The following CAMKMT variants were observed in gnomAD, a reference collection of about 807,000 sequenced individuals.
The protein encoded by CAMKMT is calmodulin-lysine N-methyltransferase, also known as CaM KMT.
In CAMKMT, 53 loss-of-function variants were observed where a neutral mutation model predicts 48.0. The ratio of observed to expected loss-of-function variants is 1.10; its 90% CI spans 0.89 to 1.39. The LOEUF (loss-of-function observed/expected upper bound fraction) is 1.39. Ranked by LOEUF, CAMKMT falls within the 40% of genes most tolerant of loss-of-function variation. CAMKMT has a pLI of 0.00. For synonymous variants in CAMKMT, 165 were observed against 152.3 expected (o/e 1.08, Z -0.61); for missense variants, 428 against 402.7 (o/e 1.06, Z -0.54).
chr2:44,572,913 G>T (rs34978139), intron 3 of CAMKMT, among the ~76,000 whole-genome samples: 2 of 151,908 alleles, frequency 1.3e-5, no homozygotes, highest in African/African-American at 4.8e-5. Flanking sequence ...AGAGCACAAG[G>T]GTTCCAATTG....
At chr2:44,536,686 A>G (rs1202858924) in intron 3 of CAMKMT, among the ~76,000 whole-genome samples, 1 of 151,292 alleles carries the variant, frequency 6.6e-6, no homozygotes, top group Non-Finnish European at 1.5e-5. Flanking sequence ...ATGGAACCAA[A>G]AAAGAGCCTG....
At chr2:44,672,544 A>T (rs1289356287) in intron 3 of CAMKMT, among the ~76,000 whole-genome samples, 1 of 152,088 alleles carries the variant, frequency 6.6e-6, no homozygotes, top group Non-Finnish European at 1.5e-5. Context: ...GCATTTAGGG[A>T]CCTTCTCCAA....
At chr2:44,594,728 A>T (rs1670547304) in intron 3 of CAMKMT, among the ~76,000 whole-genome samples, 1 of 152,206 alleles carries the variant, frequency 6.6e-6, no homozygotes, top group Non-Finnish European at 1.5e-5. Context: ...AACCTAGGCA[A>T]TGCCATTCAG....
At chr2:44,755,960 C>A (rs376089948) in intron 9 of CAMKMT, among the ~76,000 whole-genome samples, 1 of 152,086 alleles carries the variant, frequency 6.6e-6, no homozygotes, top group African/African-American at 2.4e-5. Context: ...TCACTTAGGC[C>A]CCTCTTGGAA....
chr2:44,489,366 C>G (rs571180407), intron 3 of CAMKMT, among the ~76,000 whole-genome samples: 2 of 151,758 alleles, frequency 1.3e-5, no homozygotes, highest in East Asian at 3.9e-4. Context: ...CTGCCTAAGC[C>G]TCTTGAGTAT....
intron 3 of CAMKMT, among the ~76,000 whole-genome samples, chr2:44,599,826 TAA>T (rs35544020): frequency 3.4e-5 from 5 of 145,404 alleles, no homozygotes; most frequent in Non-Finnish European, 6.0e-5. Flanking sequence ...TGGCAAGGTT[TAA>T]AAAAAAAAAA....
chr2:44,718,313 G>A (rs1678280183), intron 7 of CAMKMT, among the ~76,000 whole-genome samples: 1 of 152,130 alleles, frequency 6.6e-6, no homozygotes, highest in Non-Finnish European at 1.5e-5. Context: ...TGAAAGTCTG[G>A]AAGCCTTAGC....
chr2:44,423,962 G>C (rs886279690), intron 3 of CAMKMT, among the ~76,000 whole-genome samples: 2 of 152,064 alleles, frequency 1.3e-5, no homozygotes, highest in Non-Finnish European at 2.9e-5. Flanking sequence ...CAACATTCCT[G>C]AGATATGTAT....
At chr2:44,531,300 T>G (rs888841171) in intron 3 of CAMKMT, among the ~76,000 whole-genome samples, 1 of 152,122 alleles carries the variant, frequency 6.6e-6, no homozygotes, top group Non-Finnish European at 1.5e-5. Context: ...CCTGGAAATA[T>G]ATGGCTCTAC....
chr2:44,387,124 C>T (rs566038421), intron 2 of CAMKMT, among the ~76,000 whole-genome samples: 6 of 152,144 alleles, frequency 3.9e-5, no homozygotes, highest in Admixed American at 3.9e-4. Flanking sequence ...TATTGAAGTC[C>T]TCTACTATTA....
At chr2:44,377,655 T>C (rs1056784026) in intron 2 of CAMKMT, among the ~76,000 whole-genome samples, 6 of 152,210 alleles carry the variant, frequency 3.9e-5, no homozygotes, top group African/African-American at 1.4e-4. Flanking sequence ...AGGCCTGAAC[T>C]GTCCTTCTTT....
chr2:44,612,617 T>C (rs565488407), intron 3 of CAMKMT, among the ~76,000 whole-genome samples: 3 of 152,266 alleles, frequency 2.0e-5, no homozygotes, highest in African/African-American at 7.2e-5. Context: ...TTAGTTCCTA[T>C]CATTAAAAGG....
chr2:44,465,861 A>T (rs1668083882), intron 3 of CAMKMT, among the ~76,000 whole-genome samples: 1 of 152,222 alleles, frequency 6.6e-6, no homozygotes, highest in Admixed American at 6.5e-5. Context: ...CCATGCAAAT[A>T]GCAACCAAAG....
intron 3 of CAMKMT, among the ~76,000 whole-genome samples, chr2:44,629,768 A>G (rs1412461501): frequency 2.0e-5 from 3 of 152,342 alleles, no homozygotes; most frequent in African/African-American, 7.2e-5. Context: ...ATGGAAGAAC[A>G]TTCTATGCTC....
At chr2:44,696,482 C>T (rs1040852729) in intron 3 of CAMKMT, among the ~76,000 whole-genome samples, 1 of 151,942 alleles carries the variant, frequency 6.6e-6, no homozygotes, top group African/African-American at 2.4e-5. Context: ...TAGTTATATC[C>T]CCATTTCAGG....
At chr2:44,707,557 A>G (rs1677632458) in intron 6 of CAMKMT, 95 bp downstream of exon 6, 1 of 1,015,428 alleles carries the variant, frequency 9.8e-7, no homozygotes, top group Middle Eastern at 2.1e-4. Flanking sequence ...ATGGGGTATT[A>G]AAAGAGAGTT....
intron 3 of CAMKMT, among the ~76,000 whole-genome samples, chr2:44,662,161 T>C (rs910084697): frequency 6.6e-6 from 1 of 152,244 alleles, no homozygotes; most frequent in African/African-American, 2.4e-5. Flanking sequence ...TGGATCTGCA[T>C]GAGCCTTCTC....
chr2:44,616,582 G>A (rs1671903728), intron 3 of CAMKMT, among the ~76,000 whole-genome samples: 1 of 151,930 alleles, frequency 6.6e-6, no homozygotes, highest in African/African-American at 2.4e-5. Context: ...TTGATCACAA[G>A]CAGTAAGGTT....
At chr2:44,751,853 T>C (rs1680166024) in intron 8 of CAMKMT, among the ~76,000 whole-genome samples, 1 of 152,170 alleles carries the variant, frequency 6.6e-6, no homozygotes, top group Admixed American at 6.5e-5. Flanking sequence ...CTCAGGAAGT[T>C]GCCTTATGGC....
Sources: allele counts gnomAD v4.1 joint callset (sites outside exome capture counted in the v4.1 genomes callset), GRCh38; gene constraint gnomAD v4.1.1; transcripts MANE v1.5; gene names NCBI Gene and HGNC (gene_info 2026-07-23, HGNC 2026-07-21).